The following CBFA2T3 variants were observed in gnomAD, a reference collection of about 807,000 sequenced individuals.
The protein encoded by CBFA2T3 is transcriptional corepressor CBFA2T3.
In CBFA2T3, 31 loss-of-function variants were observed where a neutral mutation model predicts 58.6. The ratio of observed to expected loss-of-function variants is 0.53; its 90% CI spans 0.40 to 0.71. The LOEUF is 0.71. Ranked by LOEUF, CBFA2T3 falls within the 30% of genes least tolerant of loss-of-function variation. The pLI, the probability that CBFA2T3 is intolerant of heterozygous loss-of-function variation, is 0.00. For synonymous variants in CBFA2T3, 531 were observed against 421.9 expected, an observed-to-expected ratio of 1.26 and a Z score of -3.17; for missense variants, 1,076 against 963.1, an observed-to-expected ratio of 1.12 and a Z score of -1.55.
intron 1 of CBFA2T3, chr16:88,941,978 T>C (rs1266381040): frequency 6.6e-6 from 1 of 151,428 alleles, no homozygotes; most frequent in Non-Finnish European, 1.5e-5. Flanking sequence ...GCCACCTCCG[T>C]GCGTGGCCGG....
At chr16:88,886,214 G>A (rs1969366758) in intron 5 of CBFA2T3, 72 bp from the exon 6 acceptor site, 7 of 1,192,846 alleles carry the variant, frequency 5.9e-6, no homozygotes, top group East Asian at 2.8e-5. Flanking sequence ...GAGCAGAGGG[G>A]GCCTGGGCTG....
At chr16:88,891,721 C>T (rs1376834053) in intron 5 of CBFA2T3, among the ~76,000 whole-genome samples, 161 bp downstream of exon 5, 1 of 152,010 alleles carries the variant, frequency 6.6e-6, no homozygotes, top group East Asian at 1.9e-4. Flanking sequence ...CACAGGGTCC[C>T]AGGTTGGCCA....
chr16:88,904,494 T>A (rs1970227009), intron 1 of CBFA2T3, among the ~76,000 whole-genome samples: 1 of 152,206 alleles, frequency 6.6e-6, no homozygotes, highest in Non-Finnish European at 1.5e-5. Context: ...CTCCAAAGTC[T>A]CCGCTTGTCA....
Position 88,881,434 on chromosome 16 carries a change from A to G in CBFA2T3, c.1259T>C (p.Leu420Pro). The G allele has an allele frequency of 6.2e-7, 1 of 1,609,716 alleles. No individual in the cohort carries two copies. Among genetic ancestry groups the G allele is most frequent in the East Asian group, 2.2e-5 (1 of 44,828 alleles). Reference sequence around the variant, plus strand: ...GCGGTCGGCCTCCTGGCACCTGCGCAGCACCGTGAGCGAGCGCCGCGTCTT... The same window carrying G: ...GCGGTCGGCCTCCTGGCACCTGCGCGGCACCGTGAGCGAGCGCCGCGTCTT... ...VEKTRRSLTV[L>P]RRCQEADREE... The change falls in exon 9 of 12, where the codon CTG (leucine) becomes CCG (proline). Residue 420 changes from leucine to proline, a missense_variant. Coordinates refer to ENST00000268679, the MANE Select transcript of CBFA2T3 (RefSeq NM_005187.6).
Position 88,953,173 on chromosome 16 carries a change from C to T in CBFA2T3, c.151+23484G>A, listed in dbSNP as rs1597785594. 6.6e-6 allele frequency among the ~76,000 whole-genome samples: 1 copy of T among 152,256 alleles called. No individual in the cohort carries two copies. The highest frequency in any genetic ancestry group is 1.9e-4 in the East Asian group (1 of 5,200). On this transcript the variant is annotated intron_variant, in intron 1 of 11. Transcript: ENST00000268679. The surrounding 1 kb of genome is among the most constrained non-coding windows in gnomAD (Gnocchi z 4.9). Reference sequence around the variant, plus strand: ...AGGAATGAGGAGTGCCGTGCCTGGGCTGGGCCATCGCCTCTCTCCCTCGGC... The same window carrying T: ...AGGAATGAGGAGTGCCGTGCCTGGGTTGGGCCATCGCCTCTCTCCCTCGGC...
At chr16:88,900,016 AG>A (rs1970038899) in intron 2 of CBFA2T3, among the ~76,000 whole-genome samples, 2 of 152,184 alleles carry the variant, frequency 1.3e-5, no homozygotes, top group African/African-American at 4.8e-5. Context: ...CCGTGTGACA[AG>A]GACATGTGAG....
At chr16:88,936,293 C>T (rs573065981) in intron 1 of CBFA2T3, among the ~76,000 whole-genome samples, 32 of 152,342 alleles carry the variant, frequency 2.1e-4, no homozygotes, top group South Asian at 6.2e-4. Context: ...CTGCTGCCTC[C>T]CCGGTGTGGA....
At chr16:88,954,682 C>T in intron 1 of CBFA2T3, among the ~76,000 whole-genome samples, 1 of 45,154 alleles carries the variant, frequency 2.2e-5, no homozygotes, top group Admixed American at 1.5e-4. Flanking sequence ...GCTCCTGACC[C>T]CGCCCAAGGC....
intron 10 of CBFA2T3, 140 bp from the exon 11 acceptor site, chr16:88,879,600 T>C (rs1284639620): frequency 2.8e-6 from 2 of 715,852 alleles, no homozygotes; most frequent in South Asian, 1.8e-5. Context: ...CAAAGGCACA[T>C]GTTGATGGGG....
intron 1 of CBFA2T3, among the ~76,000 whole-genome samples, chr16:88,914,970 G>T (rs1313750288): frequency 6.6e-6 from 1 of 151,828 alleles, no homozygotes; most frequent in Non-Finnish European, 1.5e-5. Context: ...GCCCGCTGCC[G>T]GGGCGGGGTG....
At chr16:88,951,773 C>A (rs916735744) in intron 1 of CBFA2T3, among the ~76,000 whole-genome samples, 4 of 152,218 alleles carry the variant, frequency 2.6e-5, no homozygotes, top group African/African-American at 9.6e-5. Flanking sequence ...AGAGGAAGGA[C>A]CTCTTCTTTG....
chr16:88,892,721 G>A (rs553111194), intron 3 of CBFA2T3, among the ~76,000 whole-genome samples: 2 of 152,302 alleles, frequency 1.3e-5, no homozygotes, highest in African/African-American at 4.8e-5. Flanking sequence ...GCTCTGAGAG[G>A]TCACACACAC....
intron 1 of CBFA2T3, among the ~76,000 whole-genome samples, chr16:88,945,920 C>T (rs1053811000): frequency 5.9e-5 from 9 of 152,128 alleles, no homozygotes; most frequent in Non-Finnish European, 1.0e-4. Flanking sequence ...CGACTGAGAC[C>T]GCCTTCAACA....
Sources: allele counts gnomAD v4.1 joint callset (sites outside exome capture counted in the v4.1 genomes callset), GRCh38; gene constraint gnomAD v4.1.1; non-coding constraint Gnocchi (gnomAD v3.1); transcripts MANE v1.5; gene names NCBI Gene and HGNC (gene_info 2026-07-23, HGNC 2026-07-21).